Variants in SLA2 observed in about 807,000 individuals in gnomAD.
SLA2 encodes the protein Src like adaptor 2, also known as src-like-adapter 2.
Under a neutral mutation model 27.3 loss-of-function variants are expected in SLA2, and 22 were observed. The ratio of observed to expected loss-of-function variants is 0.81; its 90% CI spans 0.58 to 1.15. The LOEUF (loss-of-function observed/expected upper bound fraction) is 1.15, where lower values mean the gene tolerates loss of function less well. Ranked by LOEUF, SLA2 falls within the 50% of genes most tolerant of loss-of-function variation. SLA2 has a pLI of 0.00. For missense variants in SLA2, 304 were observed against 322.2 expected (o/e 0.94, Z 0.43); for synonymous variants, 131 against 137.8 (o/e 0.95, Z 0.34).
chr20:36,640,484 G>T (rs1284511410), intron 2 of SLA2, among the ~76,000 whole-genome samples: 1 of 150,790 alleles, frequency 6.6e-6, no homozygotes, highest in Non-Finnish European at 1.5e-5. Flanking sequence ...CACTTAAAAT[G>T]TGGCTGGGGT....
chr20:36,621,236 AT>A, intron 5 of SLA2: 2 of 541,926 alleles, frequency 3.7e-6, no homozygotes, highest in Non-Finnish European at 7.1e-6. Flanking sequence ...GAAGGAGGAA[AT>A]TTTGGCGCTG....
intron 5 of SLA2, among the ~76,000 whole-genome samples, chr20:36,627,558 G>T (rs1428507256): frequency 6.6e-6 from 1 of 152,220 alleles, no homozygotes; most frequent in South Asian, 2.1e-4. Flanking sequence ...CCCTGCAGGG[G>T]CAGGAACCAC....
At chr20:36,634,791 G>C (rs912225137) in intron 2 of SLA2, among the ~76,000 whole-genome samples, 2 of 151,764 alleles carry the variant, frequency 1.3e-5, no homozygotes, top group African/African-American at 4.9e-5. Context: ...TGCCCAGAGA[G>C]AGAGAGAGAG....
rs765890083 is a variant in SLA2 at position 36,615,259 on chromosome 20, G to C, written c.498C>G (p.Phe166Leu). ...GGTCCACCAGGGCCTGGAGTGAGGG[G>C]AAGGTGAGGCGCGGTGAGATGTACA... ...GWLYISPRLT[F>L]PSLQALVDHY... The change falls in exon 6 of 8, where the codon TTC (phenylalanine) becomes TTG (leucine). Residue 166 changes from phenylalanine (F) to leucine (L), a missense_variant. Phe to Leu is a conservative substitution (Grantham distance 22, BLOSUM62 0). Coordinates refer to ENST00000262866, the MANE Select transcript of SLA2 (RefSeq NM_032214.4). 2 of 1,614,062 alleles carry C rather than the reference G, an allele frequency of 1.2e-6. No homozygotes were observed. The highest frequency in any genetic ancestry group is 1.7e-5 in the Admixed American group (1 of 59,982).
intron 6 of SLA2, chr20:36,614,732 A>G (rs1164078613): frequency 6.1e-6 from 6 of 985,326 alleles, no homozygotes; most frequent in African/African-American, 1.7e-5. Flanking sequence ...TGCTCAGTCT[A>G]CTTCTACTCA....
chr20:36,634,044 A>G (rs974164807), intron 3 of SLA2, among the ~76,000 whole-genome samples: 1 of 150,076 alleles, frequency 6.7e-6, no homozygotes, highest in African/African-American at 2.5e-5. Flanking sequence ...CTGGAGTGCA[A>G]TGGCGTGATC....
intron 5 of SLA2, among the ~76,000 whole-genome samples, chr20:36,622,916 G>T (rs544901395): frequency 2.0e-5 from 3 of 152,168 alleles, no homozygotes; most frequent in South Asian, 2.1e-4. Flanking sequence ...AACATTGTTG[G>T]GGGGGATGAT....
rs148334550 is a variant in SLA2 at position 36,617,080 on chromosome 20, G to A, written c.383-1706C>T. On this transcript the variant is annotated intron_variant, in intron 5 of 7. Coordinates refer to ENST00000262866, the MANE Select transcript of SLA2 (RefSeq NM_032214.4). ...AAATAAAAAACCCAAGGCCGGGGAC[G>A]GGTGCAGTGGCTCACGCCTGTAATC... Among the ~76,000 whole-genome samples the A allele has an allele frequency of 1.2e-3, 178 of 151,044 alleles. No individual in the cohort carries two copies. In the East Asian group the frequency reaches 0.02, roughly 17 times the overall value.
At chr20:36,636,996 T>C (rs2039457231) in intron 2 of SLA2, among the ~76,000 whole-genome samples, 2 of 150,976 alleles carry the variant, frequency 1.3e-5, no homozygotes, top group South Asian at 2.1e-4. Context: ...TGTTTTACTG[T>C]AGTGGTGACA....
At chr20:36,624,257 C>T (rs2039314050) in intron 5 of SLA2, among the ~76,000 whole-genome samples, 1 of 152,118 alleles carries the variant, frequency 6.6e-6, no homozygotes, top group African/African-American at 2.4e-5. Context: ...CTCCCTGTCA[C>T]ACTTAAAATC....
chr20:36,624,571 A>G (rs6101495), intron 5 of SLA2, among the ~76,000 whole-genome samples: 21 of 152,180 alleles, frequency 1.4e-4, no homozygotes, highest in African/African-American at 4.8e-4. Flanking sequence ...GTCAGCACAC[A>G]GTATCTATTT....
chr20:36,617,279 A>G (rs1200913501), intron 5 of SLA2, among the ~76,000 whole-genome samples: 1 of 150,790 alleles, frequency 6.6e-6, no homozygotes, highest in African/African-American at 2.4e-5. Flanking sequence ...AGGCAGGAGA[A>G]TTGCTTGAAC....
At chr20:36,639,396 T>TACACACACACACACACACACACACAC (rs72401143) in intron 2 of SLA2, among the ~76,000 whole-genome samples, 2 of 146,742 alleles carry the variant, frequency 1.4e-5, no homozygotes, top group Non-Finnish European at 3.0e-5. Flanking sequence ...AAAAAATCTC[T>TACACACACACACACACACACACACAC]ACACACACAC....
chr20:36,619,551 TGGGA>T (rs1405356511), intron 5 of SLA2, among the ~76,000 whole-genome samples: 3 of 150,330 alleles, frequency 2.0e-5, no homozygotes, highest in Non-Finnish European at 4.4e-5. Flanking sequence ...GAGACTGAAG[TGGGA>T]GGGTCACTTG....
At chr20:36,615,646 C>G (rs112056516) in intron 5 of SLA2, among the ~76,000 whole-genome samples, 1 of 152,128 alleles carries the variant, frequency 6.6e-6, no homozygotes, top group Non-Finnish European at 1.5e-5. Flanking sequence ...GCTGTTCTTA[C>G]AAAGACTCAG....
At chr20:36,626,540 G>C (rs2039340236) in intron 5 of SLA2, among the ~76,000 whole-genome samples, 1 of 150,304 alleles carries the variant, frequency 6.7e-6, no homozygotes, top group African/African-American at 2.5e-5. Context: ...CTCCAGCTTG[G>C]GTGACCCTGT....
At chr20:36,645,586 G>A (rs1220916239) in intron 1 of SLA2, among the ~76,000 whole-genome samples, 4 of 152,184 alleles carry the variant, frequency 2.6e-5, no homozygotes, top group Admixed American at 6.5e-5. Flanking sequence ...GGACTAGGAC[G>A]GGCGTGAAGA....
intron 3 of SLA2, 135 bp downstream of exon 3, chr20:36,634,355 C>T (rs1172096906): frequency 3.2e-6 from 2 of 615,452 alleles, no homozygotes; most frequent in Non-Finnish European, 5.8e-6. Context: ...TTGATCATAG[C>T]TCATTGCAGC....
At chr20:36,643,852 C>G (rs150473855) in intron 1 of SLA2, among the ~76,000 whole-genome samples, 1 of 151,940 alleles carries the variant, frequency 6.6e-6, no homozygotes, top group Non-Finnish European at 1.5e-5. Flanking sequence ...CTCGGGAGAC[C>G]GAGGCAAAAG....
Sources: allele counts gnomAD v4.1 joint callset (sites outside exome capture counted in the v4.1 genomes callset), GRCh38; gene constraint gnomAD v4.1.1; transcripts MANE v1.5; gene names NCBI Gene and HGNC (gene_info 2026-07-23, HGNC 2026-07-21).